MTUS2: variants seen among roughly 807,000 people sequenced by gnomAD.
MTUS2 encodes microtubule-associated tumor suppressor candidate 2.
MTUS2 carries 40 observed loss-of-function variants against 114.1 expected under a neutral mutation model. The observed-to-expected ratio is 0.35, with a 90% confidence interval of 0.27 to 0.46. The LOEUF (loss-of-function observed/expected upper bound fraction) is 0.46, where lower values mean the gene tolerates loss of function less well. Among genes scored for constraint, MTUS2 ranks in the 20% least tolerant of loss-of-function variants. MTUS2 has a pLI of 1.00. For missense variants in MTUS2, 1,679 were observed against 1,705.4 expected, an observed-to-expected ratio of 0.98 and a Z score of 0.27; for synonymous variants, 688 against 672.0, an observed-to-expected ratio of 1.02 and a Z score of -0.37.
At chr13:28,910,373 C>G (rs1012951877) in intron 2 of MTUS2, among the ~76,000 whole-genome samples, 15 of 151,810 alleles carry the variant, frequency 9.9e-5, no homozygotes, top group African/African-American at 3.6e-4. Context: ...TTTTTTTGTT[C>G]TTATTTTTTT....
intron 5 of MTUS2, among the ~76,000 whole-genome samples, chr13:29,247,257 A>T (rs1896960769): frequency 6.6e-6 from 1 of 152,236 alleles, no homozygotes; most frequent in Non-Finnish European, 1.5e-5. Flanking sequence ...CTTATACAAA[A>T]ATCAACTCAA....
chr13:29,353,930 C>T (rs543940163), intron 7 of MTUS2, among the ~76,000 whole-genome samples: 13 of 152,268 alleles, frequency 8.5e-5, no homozygotes, highest in African/African-American at 2.9e-4. Flanking sequence ...CAGAATCTGG[C>T]TGAAAATTTG....
At chr13:29,311,843 A>G (rs1415213878) in intron 6 of MTUS2, among the ~76,000 whole-genome samples, 1 of 152,192 alleles carries the variant, frequency 6.6e-6, no homozygotes, top group Admixed American at 6.5e-5. Flanking sequence ...TTTAGCCTCC[A>G]GTTGGAGTTT....
chr13:29,027,077 C>T (rs1472208941), intron 3 of MTUS2, among the ~76,000 whole-genome samples, 174 bp downstream of exon 3: 1 of 152,210 alleles, frequency 6.6e-6, no homozygotes, highest in Middle Eastern at 3.4e-3. Flanking sequence ...GAGAAATGAC[C>T]ATTTTTAACT....
chr13:29,389,570 C>T lies in MTUS2; in HGVS notation c.3117+30097C>T, dbSNP rs370490333. On this transcript the variant is annotated intron_variant, in intron 8 of 15. Transcript: ENST00000612955. ...ATGTATACACGTGTGTATATGTGTA[C>T]ATATGTGTGTATACGTATACATATG... 2.4e-4 allele frequency among the ~76,000 whole-genome samples: 28 copies of T among 116,460 alleles called. 5 individuals are homozygous for T. The highest frequency in any genetic ancestry group is 0.011 in the Middle Eastern group (2 of 174). 76.4% of individuals were successfully genotyped at this position (116,460 alleles called of 152,430 possible). A position where few individuals can be genotyped will look rare whatever the true frequency, so the allele number is the denominator to read the frequency against.
intron 8 of MTUS2, among the ~76,000 whole-genome samples, chr13:29,397,686 G>A (rs1874011307): frequency 6.6e-6 from 1 of 152,196 alleles, no homozygotes; most frequent in Non-Finnish European, 1.5e-5. Flanking sequence ...AGTCATAGGT[G>A]GACCCTGCAG....
chr13:29,064,192 T>G (rs1466283970), intron 4 of MTUS2, among the ~76,000 whole-genome samples: 2 of 152,152 alleles, frequency 1.3e-5, no homozygotes, highest in Non-Finnish European at 2.9e-5. Context: ...AATAATTTAT[T>G]AGATGGACTA....
upstream of MTUS2, chr13:28,820,308 G>GAGCGC (rs1335599809): frequency 1.3e-5 from 2 of 149,076 alleles, no homozygotes; most frequent in East Asian, 2.0e-4. Flanking sequence ...GCGCGGAGCG[G>GAGCGC]AGCGCAGCCG....
chr13:29,041,994 A>G (rs958433314), intron 4 of MTUS2, among the ~76,000 whole-genome samples: 1 of 152,138 alleles, frequency 6.6e-6, no homozygotes, highest in African/African-American at 2.4e-5. Context: ...TTGGACTTCC[A>G]GTACTATGTT....
chr13:28,907,563 C>T (rs1566214309), intron 2 of MTUS2, among the ~76,000 whole-genome samples: 1 of 151,142 alleles, frequency 6.6e-6, no homozygotes, highest in Admixed American at 6.6e-5. Context: ...GGAAGATCTG[C>T]CAAGCAAATG....
intron 8 of MTUS2, among the ~76,000 whole-genome samples, chr13:29,394,711 C>G (rs1873769566): frequency 6.6e-6 from 1 of 152,212 alleles, no homozygotes; most frequent in Non-Finnish European, 1.5e-5. Flanking sequence ...ACCAGGCTAA[C>G]AGCGGGAGGT....
At chr13:29,289,927 G>C (rs1325013347) in intron 6 of MTUS2, among the ~76,000 whole-genome samples, 1 of 152,048 alleles carries the variant, frequency 6.6e-6, no homozygotes, top group Non-Finnish European at 1.5e-5. Flanking sequence ...TGATGTTTTT[G>C]CTTTACCCCA....
chr13:29,428,170 C>A (rs1876686789), intron 8 of MTUS2, among the ~76,000 whole-genome samples: 1 of 152,216 alleles, frequency 6.6e-6, no homozygotes, highest in Non-Finnish European at 1.5e-5. Context: ...TTGTTCATGG[C>A]ATGCAAATTA....
intron 5 of MTUS2, among the ~76,000 whole-genome samples, chr13:29,277,988 G>GT (rs1898128626): frequency 6.6e-6 from 1 of 152,216 alleles, no homozygotes; most frequent in Non-Finnish European, 1.5e-5. Context: ...TTTTGGGGTT[G>GT]TTTATGGGTC....
intron 8 of MTUS2, among the ~76,000 whole-genome samples, chr13:29,435,170 G>A (rs977159655): frequency 6.6e-6 from 1 of 152,172 alleles, no homozygotes; most frequent in African/African-American, 2.4e-5. Flanking sequence ...TTAGATAAAT[G>A]TTCTTAAAGT....
At chr13:29,313,753 A>G (rs1899871735) in intron 6 of MTUS2, among the ~76,000 whole-genome samples, 1 of 152,208 alleles carries the variant, frequency 6.6e-6, no homozygotes, top group African/African-American at 2.4e-5. Context: ...AGAGCAAGAC[A>G]CATCAGCATG....
chr13:28,834,291 C>G lies in MTUS2; in HGVS notation c.-315-5487C>G, dbSNP rs374010263. On this transcript the variant is annotated intron_variant, in intron 1 of 15. Transcript: ENST00000612955. ...ATTTCAAAACTTAACACAAAACTACCGTAATAAAGACAGCATGGTGCAGGC... is the reference window on the plus strand; with the variant it reads ...ATTTCAAAACTTAACACAAAACTACGGTAATAAAGACAGCATGGTGCAGGC... 1.0e-3 allele frequency among the ~76,000 whole-genome samples: 152 copies of G among 152,106 alleles called. 1 individual carries two copies. The highest frequency in any genetic ancestry group is 3.5e-3 in the African/African-American group (147 of 41,516).
intron 10 of MTUS2, chr13:29,484,013 C>G (rs1481156203): frequency 6.6e-6 from 1 of 152,188 alleles, no homozygotes; most frequent in Non-Finnish European, 1.5e-5. Context: ...CCTCCAAGAC[C>G]CTAAGTTTGT....
chr13:29,099,784 C>T (rs1890332725), intron 4 of MTUS2, among the ~76,000 whole-genome samples: 1 of 152,102 alleles, frequency 6.6e-6, no homozygotes, highest in African/African-American at 2.4e-5. Context: ...AAGCTTGGGC[C>T]TTTTAGATTT....
Sources: gnomAD v4.1 joint callset for allele counts (sites outside exome capture counted in the v4.1 genomes callset) on GRCh38, gnomAD v4.1.1 for gene constraint, MANE v1.5 for transcripts, NCBI Gene and HGNC (gene_info 2026-07-23, HGNC 2026-07-21) for gene names.